Variants in CACNA1B observed in about 807,000 individuals in gnomAD.
CACNA1B encodes calcium voltage-gated channel subunit alpha1 B.
In CACNA1B, 70 loss-of-function variants were observed where a neutral mutation model predicts 247.2. The ratio of observed to expected loss-of-function variants is 0.28; its 90% CI spans 0.23 to 0.35. The LOEUF (loss-of-function observed/expected upper bound fraction) is 0.35, where lower values mean the gene tolerates loss of function less well. CACNA1B is among the 10% of genes least tolerant of loss of function. The pLI, the probability that CACNA1B is intolerant of heterozygous loss-of-function variation, is 1.00. For synonymous variants in CACNA1B, 1,231 were observed against 1,294.4 expected, an observed-to-expected ratio of 0.95 and a Z score of 1.05; for missense variants, 2,367 against 3,197.4, an observed-to-expected ratio of 0.74 and a Z score of 6.26.
intron 18 of CACNA1B, chr9:138,017,102 T>G: frequency 1.9e-6 from 1 of 518,194 alleles, no homozygotes; most frequent in Non-Finnish European, 3.9e-6. Flanking sequence ...GTCTCTGGTT[T>G]TCTCACTTCT....
chr9:138,106,545 G>A (rs1243141946), intron 39 of CACNA1B, among the ~76,000 whole-genome samples: 1 of 152,184 alleles, frequency 6.6e-6, no homozygotes, highest in Non-Finnish European at 1.5e-5. Flanking sequence ...CGAGGTGGGC[G>A]GATCACGAGG....
chr9:137,979,433 G>A (rs910890839), intron 12 of CACNA1B, among the ~76,000 whole-genome samples: 1 of 151,786 alleles, frequency 6.6e-6, no homozygotes, highest in African/African-American at 2.4e-5. Context: ...TAAGACAGAA[G>A]TTATAGAAAC....
chr9:138,079,868 C>CT (rs1331498667), intron 36 of CACNA1B, among the ~76,000 whole-genome samples: 2 of 134,364 alleles, frequency 1.5e-5, no homozygotes, highest in African/African-American at 6.4e-5. Flanking sequence ...GAGCAAGACT[C>CT]TGTCTCAAAA....
Position 138,120,157 on chromosome 9 carries a change from G to A in CACNA1B, c.6031-8G>A. On this transcript the variant is annotated splice_region_variant and splice_polypyrimidine_tract_variant and intron_variant, in intron 44 of 46. Transcript: ENST00000371372. ...CCCCTAGGCCCACTCTCAGTCCTTT[G>A]CCCACAGCCCGTCACAGATGCCAGC... 1 of 1,592,546 alleles carries A rather than the reference G, an allele frequency of 6.3e-7. No homozygotes were observed. The highest frequency in any genetic ancestry group is 8.5e-7 in the Non-Finnish European group (1 of 1,170,756).
rs1957941404 is a variant in CACNA1B, at chr9:137,955,907, G to T, written c.1186+94G>T. 5 of 812,736 alleles carry T rather than the reference G, an allele frequency of 6.2e-6. No individual in the cohort carries two copies. Among genetic ancestry groups the T allele is most frequent in the Non-Finnish European group, 1.0e-5 (5 of 481,142 alleles). The allele number at this position is 812,736 out of a possible 1,614,324, so 50.3% of individuals were successfully genotyped here. Reference sequence around the variant, plus strand: ...TGCTGCCAGCTGGGGTGCCCTGGCTGCTGGGTAGAGCCTGAAGGGATTTTG... The same window carrying T: ...TGCTGCCAGCTGGGGTGCCCTGGCTTCTGGGTAGAGCCTGAAGGGATTTTG... On this transcript the variant is annotated intron_variant, in intron 8 of 46. Transcript: ENST00000371372. This position sits in a 1 kb window ranked among gnomAD's most constrained non-coding sequence, Gnocchi z 6.9.
At chr9:138,040,853 A>C (rs944523612) in intron 20 of CACNA1B, among the ~76,000 whole-genome samples, 1 of 152,142 alleles carries the variant, frequency 6.6e-6, no homozygotes, top group African/African-American at 2.4e-5. Context: ...CCTTCAATCC[A>C]ATCAAGTTGA....
Position 138,072,843 on chromosome 9 carries a change from CAG to C in CACNA1B, c.4675-642_4675-641del, listed in dbSNP as rs1457747332. 2.0e-5 allele frequency among the ~76,000 whole-genome samples: 3 copies of C among 152,234 alleles called. No homozygotes were observed. Among genetic ancestry groups the C allele is most frequent in the African/African-American group, 7.2e-5 (3 of 41,458 alleles). ...ACTAGACAGCCTGGGCTCTCTAGAG[CAG>C]AGGCCTGTTTGACCGTGAATTGCAG... is the stretch of plus-strand genomic sequence containing the variant. On this transcript the variant is annotated intron_variant, in intron 32 of 46. Coordinates refer to ENST00000371372, the MANE Select transcript of CACNA1B (RefSeq NM_000718.4). This position sits in a 1 kb window ranked among gnomAD's most constrained non-coding sequence, Gnocchi z 4.5.
intron 36 of CACNA1B, among the ~76,000 whole-genome samples, chr9:138,094,463 G>GAAGAAA (rs1960993471): frequency 8.3e-6 from 1 of 121,062 alleles, no homozygotes; most frequent in Non-Finnish European, 1.8e-5. Context: ...AAAAAAAGAA[G>GAAGAAA]AAGAAGAAGA....
rs768601397 is a variant in CACNA1B at position 138,115,551 on chromosome 9, G to C, written c.5650-1G>C. On this transcript the variant is annotated splice_acceptor_variant, in intron 41 of 46. Transcript: ENST00000371372. LOFTEE classifies it high-confidence loss of function. ...TTCCCTTCCCTTTGCCTCCTTTGCAGATGGGTCCTGTGTCCCTGTTCCACC... is the reference window on the plus strand; with the variant it reads ...TTCCCTTCCCTTTGCCTCCTTTGCACATGGGTCCTGTGTCCCTGTTCCACC... The C allele has an allele frequency of 1.9e-6, 3 of 1,612,408 alleles. No homozygotes were observed. In the South Asian group the frequency reaches 3.3e-5, roughly 18 times the overall value.
intron 6 of CACNA1B, among the ~76,000 whole-genome samples, chr9:137,932,377 A>G (rs1957617745): frequency 6.6e-6 from 1 of 152,234 alleles, no homozygotes; most frequent in African/African-American, 2.4e-5. Context: ...ATAACAAGTT[A>G]CAGGTTCCAG....
chr9:138,050,025 T>A lies in CACNA1B; in HGVS notation c.3710+710T>A, dbSNP rs572266434. 9 of 1,280,882 alleles carry A rather than the reference T, an allele frequency of 7.0e-6. No individual in the cohort carries two copies. In the African/African-American group the frequency reaches 1.4e-4, roughly 19 times the overall value. The allele number at this position is 1,280,882 out of a possible 1,614,324, so 79.3% of individuals were successfully genotyped here. On this transcript the variant is annotated intron_variant, in intron 24 of 46. Transcript: ENST00000371372. The surrounding 1 kb of genome is among the most constrained non-coding windows in gnomAD (Gnocchi z 5.2). ...TCTGAGCGGCTGGGAGGGCTGCTCC[T>A]GGTGCCACTGACTCTGTTCTCTTTG... is the stretch of plus-strand genomic sequence containing the variant.
chr9:137,891,897 A>T lies in CACNA1B; in HGVS notation c.530+9014A>T. 1 of 377,228 alleles carries T rather than the reference A, an allele frequency of 2.7e-6. No individual in the cohort carries two copies. Among genetic ancestry groups the T allele is most frequent in the Non-Finnish European group, 5.3e-6 (1 of 189,828 alleles). The allele number at this position is 377,228 out of a possible 1,614,324, so 23.4% of individuals were successfully genotyped here. A position where few individuals can be genotyped will look rare whatever the true frequency, so the allele number is the denominator to read the frequency against. ...CCACCCAGTCCCTGCCCTCTTCACG[A>T]CCCTGCTGTGAGCTCCTTTCTCCAG... On this transcript the variant is annotated intron_variant, in intron 3 of 46. Coordinates refer to ENST00000371372, the MANE Select transcript of CACNA1B (RefSeq NM_000718.4). This position sits in a 1 kb window ranked among gnomAD's most constrained non-coding sequence, Gnocchi z 4.3.
rs1419876081 is a variant in CACNA1B at position 137,950,224 on chromosome 9, G to A, written c.967-2050G>A. ...CAAGGGAACTTTCCTGGCTGGGAGG[G>A]TTAGAGGTGCCTTGTTCTTGTTCTC... On this transcript the variant is annotated intron_variant, in intron 6 of 46. Transcript: ENST00000371372. The surrounding 1 kb of genome is among the most constrained non-coding windows in gnomAD (Gnocchi z 4.8). Among the ~76,000 whole-genome samples, 1 of 152,198 alleles carries A rather than the reference G, an allele frequency of 6.6e-6. No homozygotes were observed. Among genetic ancestry groups the A allele is most frequent in the Admixed American group, 6.5e-5 (1 of 15,276 alleles).
intron 15 of CACNA1B, among the ~76,000 whole-genome samples, chr9:137,998,379 G>A (rs1339230829): frequency 1.3e-5 from 2 of 152,162 alleles, no homozygotes; most frequent in African/African-American, 2.4e-5. Context: ...GGGAGGCCGA[G>A]GTGGGCAGAT....
intron 11 of CACNA1B, among the ~76,000 whole-genome samples, chr9:137,975,001 C>G (rs1218333433): frequency 1.3e-5 from 2 of 152,218 alleles, no homozygotes; most frequent in Non-Finnish European, 2.9e-5. Context: ...GGACTCCTGG[C>G]TCAGCCAGCG....
At chr9:137,911,545 A>G (rs1274697026) in intron 3 of CACNA1B, among the ~76,000 whole-genome samples, 1 of 152,160 alleles carries the variant, frequency 6.6e-6, no homozygotes, top group Non-Finnish European at 1.5e-5. Context: ...CCTCCCGAGT[A>G]GCTGGAATTA....
chr9:138,005,048 C>T lies in CACNA1B; in HGVS notation c.1975-1719C>T, dbSNP rs551219380. Among the ~76,000 whole-genome samples the T allele has an allele frequency of 9.7e-4, 148 of 152,280 alleles. 1 individual carries two copies. The Middle Eastern group carries it at 0.01, about 10-fold the overall frequency. On this transcript the variant is annotated intron_variant, in intron 15 of 46. Transcript: ENST00000371372. ...ACTGTTGATGGGAATGTAAATTAGTCCAGCCACTCTGGGAAACAGTATGGA... is the reference window on the plus strand; with the variant it reads ...ACTGTTGATGGGAATGTAAATTAGTTCAGCCACTCTGGGAAACAGTATGGA...
intron 3 of CACNA1B, among the ~76,000 whole-genome samples, chr9:137,892,789 G>A (rs1175051320): frequency 1.3e-5 from 2 of 152,216 alleles, no homozygotes; most frequent in East Asian, 1.9e-4. Flanking sequence ...GGAGGGAATG[G>A]TGTCCCTGTT....
intron 15 of CACNA1B, among the ~76,000 whole-genome samples, chr9:137,993,473 G>A (rs958137515): frequency 1.4e-4 from 22 of 151,974 alleles, no homozygotes; most frequent in African/African-American, 5.1e-4. Context: ...TAAGGGAGAA[G>A]ATCCAAATAT....
Sources: allele counts gnomAD v4.1 joint callset (sites outside exome capture counted in the v4.1 genomes callset), GRCh38; gene constraint gnomAD v4.1.1; non-coding constraint Gnocchi (gnomAD v3.1); transcripts MANE v1.5; gene names NCBI Gene and HGNC (gene_info 2026-07-23, HGNC 2026-07-21).